SPIDR: variants seen among roughly 807,000 people sequenced by gnomAD.
The protein encoded by SPIDR is scaffold protein involved in DNA repair.
SPIDR carries 93 observed loss-of-function variants against 104.6 expected under a neutral mutation model. That is an observed-to-expected ratio of 0.89 (90% confidence interval 0.75 to 1.06). SPIDR has a LOEUF of 1.06. Among genes scored for constraint, SPIDR ranks in the 50% least tolerant of loss-of-function variants. The pLI is 0.00. For synonymous variants in SPIDR, 431 were observed against 416.9 expected, an observed-to-expected ratio of 1.03 and a Z score of -0.41; for missense variants, 1,154 against 1,111.2, an observed-to-expected ratio of 1.04 and a Z score of -0.55.
Position 47,397,451 on chromosome 8 carries a change from G to A in SPIDR, c.776+825G>A, listed in dbSNP as rs148921649. On this transcript the variant is annotated intron_variant, in intron 6 of 19. Coordinates refer to ENST00000297423, the MANE Select transcript of SPIDR (RefSeq NM_001080394.4). ...GCGGAGGTTGCAGTGAGCTGAGATC[G>A]TGCCATTGCACTCCAGCCTGGGCAA... 2.4e-4 allele frequency among the ~76,000 whole-genome samples: 37 copies of A among 152,206 alleles called. No individual in the cohort carries two copies. In the East Asian group the frequency reaches 6.0e-3, roughly 25 times the overall value.
chr8:47,675,947 A>G (rs1377547002), intron 11 of SPIDR, among the ~76,000 whole-genome samples: 1 of 152,212 alleles, frequency 6.6e-6, no homozygotes, highest in Non-Finnish European at 1.5e-5. Context: ...GAGCCTGGCA[A>G]GGACACGAGG....
intron 10 of SPIDR, among the ~76,000 whole-genome samples, chr8:47,647,434 G>C (rs2070608811): frequency 6.6e-6 from 1 of 152,104 alleles, no homozygotes; most frequent in African/African-American, 2.4e-5. Context: ...GGCCAGCATG[G>C]TGAAAACCTA....
intron 10 of SPIDR, among the ~76,000 whole-genome samples, chr8:47,635,373 T>C (rs2154444346): frequency 6.6e-6 from 1 of 152,142 alleles, no homozygotes; most frequent in East Asian, 1.9e-4. Flanking sequence ...AAAGATTAAA[T>C]TGGCTTATTT....
At chr8:47,725,597 G>A (rs2084113006) in intron 16 of SPIDR, among the ~76,000 whole-genome samples, 1 of 152,056 alleles carries the variant, frequency 6.6e-6, no homozygotes, top group Non-Finnish European at 1.5e-5. Context: ...TCACTGTGTT[G>A]GCCAGGATGG....
chr8:47,321,043 A>C (rs1400072088), intron 5 of SPIDR, among the ~76,000 whole-genome samples: 1 of 152,232 alleles, frequency 6.6e-6, no homozygotes, highest in African/African-American at 2.4e-5. Flanking sequence ...CAAGACAGGG[A>C]TGCCCTCTCT....
intron 6 of SPIDR, among the ~76,000 whole-genome samples, chr8:47,403,512 G>A (rs1464506051): frequency 6.6e-6 from 1 of 152,028 alleles, no homozygotes; most frequent in East Asian, 1.9e-4. Context: ...CAAAGTCTTG[G>A]GATACAAAAT....
At chr8:47,534,443 C>T (rs1302168852) in intron 8 of SPIDR, among the ~76,000 whole-genome samples, 1 of 152,188 alleles carries the variant, frequency 6.6e-6, no homozygotes, top group African/African-American at 2.4e-5. Context: ...GAATACTATG[C>T]AGCCATAAAA....
intron 7 of SPIDR, among the ~76,000 whole-genome samples, chr8:47,431,622 A>G (rs1299790980): frequency 6.6e-6 from 1 of 151,970 alleles, no homozygotes; most frequent in Non-Finnish European, 1.5e-5. Context: ...GTCACTGGGG[A>G]TTGTGAAAAC....
chr8:47,454,067 A>G (rs543581301), intron 8 of SPIDR, among the ~76,000 whole-genome samples: 61 of 152,310 alleles, frequency 4.0e-4, no homozygotes, highest in African/African-American at 1.0e-3. Context: ...AAGACAGTGC[A>G]GCAATTCCTC....
intron 7 of SPIDR, among the ~76,000 whole-genome samples, chr8:47,417,259 C>G (rs1397529731): frequency 6.6e-6 from 1 of 152,172 alleles, no homozygotes; most frequent in Admixed American, 6.5e-5. Context: ...TAAAAGTGTT[C>G]CTATTTCTTC....
At chr8:47,525,974 C>G (rs771294195) in intron 8 of SPIDR, among the ~76,000 whole-genome samples, 13 of 152,112 alleles carry the variant, frequency 8.5e-5, no homozygotes, top group Non-Finnish European at 1.5e-4. Context: ...TTCCAGCCAC[C>G]CCTTAAGATA....
rs2086149088 is a variant in SPIDR, at chr8:47,735,459, G to A, written c.*9G>A. The A allele has an allele frequency of 6.2e-6, 10 of 1,614,048 alleles. No homozygotes were observed. Among genetic ancestry groups the A allele is most frequent in the Non-Finnish European group, 8.5e-6 (10 of 1,180,038 alleles). ...CCTCTGCAGAACACTAGCGGTTGCC[G>A]CAGGATCTGTGAACTTTGCAATGTG... On this transcript the variant is annotated 3_prime_UTR_variant, in exon 20 of 20. Transcript: ENST00000297423.
chr8:47,627,547 G>A (rs767149028), intron 10 of SPIDR, among the ~76,000 whole-genome samples: 15 of 152,158 alleles, frequency 9.9e-5, no homozygotes, highest in Non-Finnish European at 1.8e-4. Flanking sequence ...AGTACCCTAA[G>A]TGTGTGTATG....
At chr8:47,301,233 C>T (rs1554577146) in intron 5 of SPIDR, among the ~76,000 whole-genome samples, 8 of 152,094 alleles carry the variant, frequency 5.3e-5, no homozygotes, top group East Asian at 1.9e-4. Flanking sequence ...TCTTTGTTGG[C>T]TTAAAGTCTG....
intron 8 of SPIDR, among the ~76,000 whole-genome samples, chr8:47,488,133 G>T (rs1381600219): frequency 6.6e-6 from 1 of 151,960 alleles, no homozygotes; most frequent in South Asian, 2.1e-4. Flanking sequence ...AAAGAGAGAA[G>T]AATCAGATAG....
At chr8:47,309,681 T>C (rs1299004204) in intron 5 of SPIDR, among the ~76,000 whole-genome samples, 1 of 152,210 alleles carries the variant, frequency 6.6e-6, no homozygotes, top group East Asian at 1.9e-4. Flanking sequence ...TTTTCTGATA[T>C]AAGAAGGACT....
intron 8 of SPIDR, among the ~76,000 whole-genome samples, chr8:47,485,242 G>A (rs1421786655): frequency 6.6e-6 from 1 of 152,126 alleles, no homozygotes; most frequent in Non-Finnish European, 1.5e-5. Context: ...ACGGAGCCTC[G>A]CTCATTGCTA....
chr8:47,469,105 T>A (rs2075308600), intron 8 of SPIDR, among the ~76,000 whole-genome samples: 1 of 152,162 alleles, frequency 6.6e-6, no homozygotes, highest in Non-Finnish European at 1.5e-5. Context: ...TGAACATCAC[T>A]TATCATTAGA....
chr8:47,417,779 C>T (rs1588438466), intron 7 of SPIDR, among the ~76,000 whole-genome samples: 1 of 152,230 alleles, frequency 6.6e-6, no homozygotes, highest in Admixed American at 6.5e-5. Context: ...AGTCTTTAAT[C>T]CATCTTGAAT....
Sources: allele counts gnomAD v4.1 joint callset (sites outside exome capture counted in the v4.1 genomes callset), GRCh38; gene constraint gnomAD v4.1.1; transcripts MANE v1.5; gene names NCBI Gene and HGNC (gene_info 2026-07-23, HGNC 2026-07-21).